Variants in TMTC1 observed in about 807,000 individuals in gnomAD.
The protein encoded by TMTC1 is transmembrane O-mannosyltransferase targeting cadherins 1, also known as protein O-mannosyl-transferase TMTC1.
In TMTC1, 73 loss-of-function variants were observed where a neutral mutation model predicts 104.8. That is an observed-to-expected ratio of 0.70 (90% CI 0.58 to 0.85). The LOEUF (loss-of-function observed/expected upper bound fraction) is 0.85, where lower values mean the gene tolerates loss of function less well. Ranked by LOEUF, TMTC1 falls within the 40% of genes least tolerant of loss-of-function variation. The pLI is 0.00. For missense variants in TMTC1, 1,035 were observed against 1,096.1 expected, an observed-to-expected ratio of 0.94 and a Z score of 0.79; for synonymous variants, 434 against 428.7, an observed-to-expected ratio of 1.01 and a Z score of -0.15.
intron 8 of TMTC1, among the ~76,000 whole-genome samples, chr12:29,575,878 C>T (rs1181596165): frequency 6.6e-6 from 1 of 152,164 alleles, no homozygotes; most frequent in Non-Finnish European, 1.5e-5. Flanking sequence ...TACAAAGGTT[C>T]CCTTTTCTCC....
rs1441750615 is a variant in TMTC1, at chr12:29,506,877, A to G, written c.2618T>C (p.Leu873Ser). The G allele has an allele frequency of 3.7e-6, 6 of 1,613,994 alleles. No homozygotes were observed. In the South Asian group the frequency reaches 6.6e-5, roughly 18 times the overall value. Residue 873 changes from leucine (L) to serine (S), a missense_variant, in exon 18 of 18, where the codon TTA becomes TCA. Leu to Ser is a moderately radical substitution (Grantham distance 145). Transcript: ENST00000539277. ...LAKLDRLEKR[L>S]QEVREKDQT ...TTGATCCTTTTCTCGAACTTCTTGT[A>G]ATCGTTTTTCTAGGCGATCCAATTT...
chr12:29,509,224 T>G (rs1943767751), intron 17 of TMTC1, among the ~76,000 whole-genome samples: 1 of 152,198 alleles, frequency 6.6e-6, no homozygotes, highest in Admixed American at 6.5e-5. Context: ...AAATCAGACT[T>G]TGTGCTATAG....
chr12:29,514,529 T>C lies in TMTC1; in HGVS notation c.2383A>G (p.Lys795Glu). The C allele has an allele frequency of 1.9e-6, 3 of 1,614,094 alleles. No homozygotes were observed. Among genetic ancestry groups the C allele is most frequent in the Non-Finnish European group, 2.5e-6 (3 of 1,179,996 alleles). The change falls in exon 16 of 18, where the codon AAA becomes GAA. Residue 795 changes from lysine to glutamate, a missense_variant. Physicochemically the swap from Lys to Glu is moderately conservative, Grantham distance 56 (BLOSUM62 1). Transcript: ENST00000539277. The stretch of plus-strand genomic sequence containing the variant: ...TTCTGCTCTCTTAATTGGTTTCCTT[T>C]TGTGAAAAAAAGTTCAGAAATGACT... ...PKVISELFFT[K>E]GNQLREQNLL...
chr12:29,697,222 G>A (rs917944155), intron 5 of TMTC1, among the ~76,000 whole-genome samples: 14 of 152,202 alleles, frequency 9.2e-5, no homozygotes, highest in African/African-American at 3.1e-4. Flanking sequence ...CTACATACTA[G>A]CTGAATTTCA....
chr12:29,632,217 G>T (rs976599280), intron 6 of TMTC1, among the ~76,000 whole-genome samples: 1 of 152,124 alleles, frequency 6.6e-6, no homozygotes, highest in African/African-American at 2.4e-5. Flanking sequence ...TTTACTGCTA[G>T]ATCTGACAGG....
At chr12:29,772,359 A>T (rs1387607456) in intron 1 of TMTC1, among the ~76,000 whole-genome samples, 1 of 151,686 alleles carries the variant, frequency 6.6e-6, no homozygotes, top group Non-Finnish European at 1.5e-5. Flanking sequence ...TATGCACACA[A>T]TTTTTTTTTG....
At position 29,550,933 on chromosome 12, in the gene TMTC1, C is replaced by CAAA. The variant is rs200605964; in HGVS notation, c.1676+5921_1676+5923dup. Among the ~76,000 whole-genome samples, 19 of 108,326 alleles carry CAAA rather than the reference C, an allele frequency of 1.8e-4. 1 individual carries two copies. Among genetic ancestry groups the CAAA allele is most frequent in the African/African-American group, 4.0e-4 (10 of 25,294 alleles). 71.1% of individuals were successfully genotyped at this position (108,326 alleles called of 152,430 possible). A position where few individuals can be genotyped will look rare whatever the true frequency, so the allele number is the denominator to read the frequency against. On this transcript the variant is annotated intron_variant, in intron 10 of 17. Coordinates refer to ENST00000539277, the MANE Select transcript of TMTC1 (RefSeq NM_001193451.2). Reference sequence around the variant, plus strand: ...TGGGGGAGAGAGTGGGACTCCATCTCAAAAAAAAAAAAAAAAAAAAAAAAA... The same window carrying CAAA: ...TGGGGGAGAGAGTGGGACTCCATCTCAAAAAAAAAAAAAAAAAAAAAAAAAAAA...
intron 5 of TMTC1, among the ~76,000 whole-genome samples, chr12:29,710,650 T>C (rs1941878756): frequency 7.0e-6 from 1 of 142,416 alleles, no homozygotes; most frequent in Non-Finnish European, 1.5e-5. Context: ...GTTATAATTT[T>C]TATATTTATA....
chr12:29,673,051 T>C (rs1037164441), intron 5 of TMTC1, among the ~76,000 whole-genome samples: 1 of 152,188 alleles, frequency 6.6e-6, no homozygotes, highest in Non-Finnish European at 1.5e-5. Context: ...TGCTGCACTA[T>C]ATTGGCAAAC....
At chr12:29,528,286 A>G (rs750902240) in intron 11 of TMTC1, among the ~76,000 whole-genome samples, 1 of 152,180 alleles carries the variant, frequency 6.6e-6, no homozygotes, top group East Asian at 1.9e-4. Flanking sequence ...TAAGCTATTT[A>G]TAGGACAACT....
chr12:29,687,655 G>A (rs150105611), intron 5 of TMTC1, among the ~76,000 whole-genome samples: 1 of 152,262 alleles, frequency 6.6e-6, no homozygotes, highest in African/African-American at 2.4e-5. Context: ...TAATTAGCTA[G>A]GACTGTCACT....
intron 6 of TMTC1, among the ~76,000 whole-genome samples, chr12:29,619,756 C>T (rs553749243): frequency 6.6e-6 from 1 of 152,116 alleles, no homozygotes; most frequent in Non-Finnish European, 1.5e-5. Flanking sequence ...TTCTTCCTTC[C>T]CCTTGATAAA....
chr12:29,576,939 A>G (rs745550360), intron 8 of TMTC1, among the ~76,000 whole-genome samples: 10 of 152,202 alleles, frequency 6.6e-5, no homozygotes, highest in African/African-American at 9.6e-5. Flanking sequence ...AAGAAAGAAC[A>G]TGGAATAAAG....
intron 5 of TMTC1, among the ~76,000 whole-genome samples, chr12:29,648,559 G>C (rs888762389): frequency 1.9e-4 from 29 of 152,048 alleles, no homozygotes; most frequent in African/African-American, 6.8e-4. Flanking sequence ...GGCAGACAGA[G>C]GCTGCAGAGA....
At chr12:29,577,762 C>A (rs185567774) in intron 8 of TMTC1, among the ~76,000 whole-genome samples, 9 of 152,064 alleles carry the variant, frequency 5.9e-5, no homozygotes, top group East Asian at 1.9e-4. Context: ...ATTTATGATA[C>A]CTTTATGGTT....
Position 29,518,508 on chromosome 12 carries a change from A to T in TMTC1, c.1988T>A (p.Leu663Gln), listed in dbSNP as rs780366178. ...MVNLGRLYRS[L>Q]GENSMAEEWY... The stretch of plus-strand genomic sequence containing the variant: ...TTCTTCAGCCATGCTGTTCTCTCCC[A>T]GTGACCTGTAGAGTCTTCCCAAGTT... The change falls in exon 13 of 18, where the codon CTG becomes CAG. Residue 663 changes from leucine to glutamine, a missense_variant. Physicochemically the swap from Leu to Gln is moderately radical, Grantham distance 113 (BLOSUM62 -2). Coordinates refer to ENST00000539277, the MANE Select transcript of TMTC1 (RefSeq NM_001193451.2). 6.2e-7 allele frequency: 1 copy of T among 1,614,108 alleles called. No homozygotes were observed. The highest frequency in any genetic ancestry group is 8.5e-7 in the Non-Finnish European group (1 of 1,179,980).
chr12:29,778,507 T>A (rs181225728), intron 1 of TMTC1, among the ~76,000 whole-genome samples: 2 of 152,302 alleles, frequency 1.3e-5, no homozygotes, highest in East Asian at 3.9e-4. Flanking sequence ...GCATTTCTCT[T>A]GATTTCAGGC....
chr12:29,773,086 C>CA (rs1444695657), intron 1 of TMTC1, among the ~76,000 whole-genome samples: 1 of 152,112 alleles, frequency 6.6e-6, no homozygotes, highest in Non-Finnish European at 1.5e-5. Context: ...TCTTAATAGC[C>CA]ATCTCTCACT....
At chr12:29,696,484 T>G (rs992455494) in intron 5 of TMTC1, among the ~76,000 whole-genome samples, 1 of 152,214 alleles carries the variant, frequency 6.6e-6, no homozygotes, top group South Asian at 2.1e-4. Flanking sequence ...CTCATTTTCA[T>G]GTTAATTTTT....
Sources: allele counts gnomAD v4.1 joint callset (sites outside exome capture counted in the v4.1 genomes callset), GRCh38; gene constraint gnomAD v4.1.1; transcripts MANE v1.5; gene names NCBI Gene and HGNC (gene_info 2026-07-23, HGNC 2026-07-21).